Variants in PDE7B observed in about 807,000 individuals in gnomAD.
PDE7B encodes the protein 3',5'-cyclic-AMP phosphodiesterase 7B.
Under a neutral mutation model 56.2 loss-of-function variants are expected in PDE7B, and 29 were observed. The ratio of observed to expected loss-of-function variants is 0.52; its 90% CI spans 0.38 to 0.70. PDE7B has a LOEUF of 0.70. Ranked by LOEUF, PDE7B falls within the 30% of genes least tolerant of loss-of-function variation. The pLI is 0.00. For synonymous variants in PDE7B, 197 were observed against 196.9 expected, an observed-to-expected ratio of 1.00 and a Z score of 0.00; for missense variants, 490 against 565.0, an observed-to-expected ratio of 0.87 and a Z score of 1.35.
At chr6:136,139,540 G>A (rs1244444533) in intron 3 of PDE7B, among the ~76,000 whole-genome samples, 7 of 152,190 alleles carry the variant, frequency 4.6e-5, no homozygotes, top group African/African-American at 7.2e-5. Flanking sequence ...TTGAGGAATC[G>A]CCACACTGAC....
chr6:136,036,962 AG>A (rs1776333977), intron 2 of PDE7B, among the ~76,000 whole-genome samples: 3 of 152,220 alleles, frequency 2.0e-5, no homozygotes, highest in Admixed American at 6.5e-5. Context: ...CATAAGCTAC[AG>A]GGGGCATCGC....
rs1449821245 is a variant in PDE7B, at chr6:136,040,318, G to C, written c.83-68413G>C. On this transcript the variant is annotated intron_variant, in intron 2 of 12. Transcript: ENST00000308191. ...TTCCTCCTGTGCCTCCTCACTCTCA[G>C]GGAGATGAGGGCTCATCCTTACTGG... Among the ~76,000 whole-genome samples, 3 of 152,178 alleles carry C rather than the reference G, an allele frequency of 2.0e-5. No individual in the cohort carries two copies. In the South Asian group the frequency reaches 6.2e-4, roughly 32 times the overall value.
rs759938662 is a variant in PDE7B at position 135,914,485 on chromosome 6, C to CT, written c.22-32953dup. Among the ~76,000 whole-genome samples, 216 of 41,914 alleles carry CT rather than the reference C, an allele frequency of 5.2e-3. 15 individuals are homozygous for CT. Among genetic ancestry groups the CT allele is most frequent in the African/African-American group, 8.5e-3 (59 of 6,950 alleles). 27.5% of individuals were successfully genotyped at this position (41,914 alleles called of 152,430 possible). A position where few individuals can be genotyped will look rare whatever the true frequency, so the allele number is the denominator to read the frequency against. ...CTGGCTTATTTCCCTTTTTATAATG[C>CT]TTTTTTTTTTTTTTTTTTTTTTTTT... On this transcript the variant is annotated intron_variant, in intron 1 of 12. Transcript: ENST00000308191.
chr6:135,892,764 AG>A (rs1218278612), intron 1 of PDE7B, among the ~76,000 whole-genome samples: 37 of 152,322 alleles, frequency 2.4e-4, no homozygotes, highest in African/African-American at 8.4e-4. Flanking sequence ...ATGTTCAGCT[AG>A]CCATCTTCAT....
At chr6:136,118,583 C>A (rs1777876670) in intron 3 of PDE7B, among the ~76,000 whole-genome samples, 1 of 152,210 alleles carries the variant, frequency 6.6e-6, no homozygotes, top group Non-Finnish European at 1.5e-5. Context: ...CAACCAAGGT[C>A]ACCCAGCTTG....
chr6:136,100,336 A>G (rs555517251), intron 2 of PDE7B, among the ~76,000 whole-genome samples: 224 of 152,100 alleles, frequency 1.5e-3, no homozygotes, highest in African/African-American at 5.2e-3. Context: ...TGATGGGGAT[A>G]GCATTGAATC....
chr6:136,024,897 G>C (rs1276450521), intron 2 of PDE7B, among the ~76,000 whole-genome samples: 5 of 152,144 alleles, frequency 3.3e-5, no homozygotes, highest in African/African-American at 9.7e-5. Context: ...TGCAACAACT[G>C]GGTAAATTTC....
At chr6:136,070,555 T>A (rs1039330267) in intron 2 of PDE7B, among the ~76,000 whole-genome samples, 2 of 152,128 alleles carry the variant, frequency 1.3e-5, no homozygotes, top group African/African-American at 4.8e-5. Context: ...GCTTTTTTTA[T>A]TTTAAAAGGT....
chr6:135,929,758 G>A (rs541260324), intron 1 of PDE7B, among the ~76,000 whole-genome samples: 13 of 152,290 alleles, frequency 8.5e-5, no homozygotes, highest in South Asian at 2.1e-4. Context: ...CTACGAGGGC[G>A]TTTAGAAGAG....
intron 3 of PDE7B, among the ~76,000 whole-genome samples, chr6:136,122,576 G>A (rs1329318246): frequency 6.6e-6 from 1 of 152,110 alleles, no homozygotes. Context: ...TTTCAAAATT[G>A]TTGCCTGGAA....
chr6:135,975,647 A>G (rs1384123078), intron 2 of PDE7B, among the ~76,000 whole-genome samples: 5 of 152,240 alleles, frequency 3.3e-5, no homozygotes, highest in African/African-American at 1.2e-4. Context: ...AAAGGATTCT[A>G]TTTTCAATGT....
At chr6:136,091,116 G>T (rs1325233296) in intron 2 of PDE7B, among the ~76,000 whole-genome samples, 3 of 152,126 alleles carry the variant, frequency 2.0e-5, no homozygotes, top group Non-Finnish European at 2.9e-5. Context: ...TAACATGTGG[G>T]TTCGGTTACA....
chr6:135,935,218 T>TTTTATATATA (rs1774401563), intron 1 of PDE7B, among the ~76,000 whole-genome samples: 2 of 34,732 alleles, frequency 5.8e-5, no homozygotes, highest in African/African-American at 1.5e-4. Flanking sequence ...ATATATATAT[T>TTTTATATATA]TTCATGATTC....
chr6:136,099,710 C>G (rs1337249852), intron 2 of PDE7B, among the ~76,000 whole-genome samples: 1 of 152,084 alleles, frequency 6.6e-6, no homozygotes, highest in Non-Finnish European at 1.5e-5. Context: ...AAATTTTCTC[C>G]CATTCTGTAG....
At chr6:136,002,265 G>C (rs9483899) in intron 2 of PDE7B, among the ~76,000 whole-genome samples, 2 of 152,204 alleles carry the variant, frequency 1.3e-5, no homozygotes, top group Middle Eastern at 3.4e-3. Flanking sequence ...TGTCAAGACC[G>C]TCAAGGCTAG....
chr6:136,044,138 C>G (rs1315191687), intron 2 of PDE7B: 2 of 152,188 alleles, frequency 1.3e-5, no homozygotes, highest in Non-Finnish European at 2.9e-5. Flanking sequence ...CTTCATGAAT[C>G]CCTCCTGAGA....
Position 136,194,545 on chromosome 6 carries a change from T to G in PDE7B, c.*2705T>G, listed in dbSNP as rs564523692. 1 of 152,340 alleles carries G rather than the reference T, an allele frequency of 6.6e-6. No homozygotes were observed. The highest frequency in any genetic ancestry group is 2.4e-5 in the African/African-American group (1 of 41,586). The allele number at this position is 152,340 out of a possible 1,614,324, so 9.4% of individuals were successfully genotyped here. A position where few individuals can be genotyped will look rare whatever the true frequency, so the allele number is the denominator to read the frequency against. ...AAAAAGAATGTGAAAATGTCTCTTTTTTTCTTGGCTATTAGTGGCTGTCTT... is the reference window on the plus strand; with the variant it reads ...AAAAAGAATGTGAAAATGTCTCTTTGTTTCTTGGCTATTAGTGGCTGTCTT... On this transcript the variant is annotated 3_prime_UTR_variant, in exon 13 of 13. Transcript: ENST00000308191.
intron 3 of PDE7B, among the ~76,000 whole-genome samples, chr6:136,137,883 A>G (rs1778243142): frequency 6.6e-6 from 1 of 152,154 alleles, no homozygotes; most frequent in Admixed American, 6.6e-5. Context: ...ATGTGTTAAT[A>G]TGTAGATATC....
chr6:135,957,068 G>A (rs1774808974), intron 2 of PDE7B, among the ~76,000 whole-genome samples: 1 of 152,080 alleles, frequency 6.6e-6, no homozygotes, highest in Non-Finnish European at 1.5e-5. Flanking sequence ...AAGAGAAATG[G>A]AGTAGTTGTG....
Sources: gnomAD v4.1 joint callset for allele counts (sites outside exome capture counted in the v4.1 genomes callset) on GRCh38, gnomAD v4.1.1 for gene constraint, MANE v1.5 for transcripts, NCBI Gene and HGNC (gene_info 2026-07-23, HGNC 2026-07-21) for gene names.